SEMA3E: variants seen among roughly 807,000 people sequenced by gnomAD.
The protein encoded by SEMA3E is semaphorin 3E.
Under a neutral mutation model 93.6 loss-of-function variants are expected in SEMA3E, and 49 were observed. The observed-to-expected ratio is 0.52, with a 90% CI of 0.42 to 0.66. SEMA3E has a LOEUF of 0.66. Ranked by LOEUF, SEMA3E falls within the 30% of genes least tolerant of loss-of-function variation. The pLI is 0.00. For missense variants in SEMA3E, 906 were observed against 964.8 expected (o/e 0.94, Z 0.81); for synonymous variants, 363 against 330.7 (o/e 1.10, Z -1.06).
At chr7:83,529,193 G>A (rs1257864180) in intron 1 of SEMA3E, among the ~76,000 whole-genome samples, 1 of 152,224 alleles carries the variant, frequency 6.6e-6, no homozygotes, top group East Asian at 1.9e-4. Context: ...TGATAAAGGG[G>A]ATGAAAGGTC....
chr7:83,470,108 G>A (rs1267913404), intron 2 of SEMA3E, among the ~76,000 whole-genome samples: 3 of 152,060 alleles, frequency 2.0e-5, no homozygotes, highest in Non-Finnish European at 4.4e-5. Context: ...GTATCCAAAA[G>A]TTTTAATTGT....
chr7:83,492,320 C>G (rs1037693899), intron 1 of SEMA3E, among the ~76,000 whole-genome samples: 2 of 151,910 alleles, frequency 1.3e-5, no homozygotes, highest in Non-Finnish European at 2.9e-5. Flanking sequence ...TAGGGATGAC[C>G]TTGCCTGCTA....
At chr7:83,456,598 A>AT (rs1330516948) in intron 4 of SEMA3E, among the ~76,000 whole-genome samples, 1 of 7,668 alleles carries the variant, frequency 1.3e-4, no homozygotes, top group South Asian at 0.05. Flanking sequence ...ACTCTATTTT[A>AT]TTTATTTATT....
chr7:83,484,386 AAT>A (rs146778585), intron 2 of SEMA3E, among the ~76,000 whole-genome samples: 1,742 of 152,234 alleles, frequency 0.011, 35 homozygotes, highest in African/African-American at 0.038. Flanking sequence ...TCATTAATTG[AAT>A]ATGTTTTCAC....
At chr7:83,498,126 G>T (rs1415283351) in intron 1 of SEMA3E, among the ~76,000 whole-genome samples, 1 of 151,848 alleles carries the variant, frequency 6.6e-6, no homozygotes, top group East Asian at 1.9e-4. Flanking sequence ...TTATTTGATT[G>T]TAACAATACA....
At chr7:83,551,486 A>C (rs1032270373) in intron 1 of SEMA3E, among the ~76,000 whole-genome samples, 13 of 152,164 alleles carry the variant, frequency 8.5e-5, no homozygotes, top group Non-Finnish European at 1.5e-4. Flanking sequence ...GATAAATATA[A>C]AATTCAAGAT....
At chr7:83,586,753 C>G (rs956902690) in intron 1 of SEMA3E, among the ~76,000 whole-genome samples, 1 of 151,882 alleles carries the variant, frequency 6.6e-6, no homozygotes, top group Admixed American at 6.6e-5. Context: ...TCCTTGTGTA[C>G]AGTCTATCAT....
At chr7:83,488,152 A>C (rs960691946) in intron 2 of SEMA3E, among the ~76,000 whole-genome samples, 1 of 152,206 alleles carries the variant, frequency 6.6e-6, no homozygotes, top group East Asian at 1.9e-4. Context: ...GAAGTGTTTC[A>C]AAGTATGCAT....
At chr7:83,474,020 A>G (rs1012050737) in intron 2 of SEMA3E, among the ~76,000 whole-genome samples, 2 of 147,748 alleles carry the variant, frequency 1.4e-5, no homozygotes, top group African/African-American at 5.0e-5. Flanking sequence ...TGAACCTGGG[A>G]GATGAAGCTT....
chr7:83,565,713 T>C (rs1305980441), intron 1 of SEMA3E, among the ~76,000 whole-genome samples: 5 of 152,124 alleles, frequency 3.3e-5, no homozygotes. Flanking sequence ...TACAGCTTCC[T>C]TGACCAAAGG....
At chr7:83,569,406 T>C (rs762328890) in intron 1 of SEMA3E, among the ~76,000 whole-genome samples, 1 of 152,034 alleles carries the variant, frequency 6.6e-6, no homozygotes, top group East Asian at 1.9e-4. Context: ...AAATATTAAA[T>C]GGTCTAAAAG....
chr7:83,438,340 A>C (rs1789044712), intron 4 of SEMA3E, among the ~76,000 whole-genome samples: 1 of 152,122 alleles, frequency 6.6e-6, no homozygotes, highest in African/African-American at 2.4e-5. Context: ...CTTACCTGGA[A>C]TCTCTTTACA....
At chr7:83,634,200 T>A (rs1793837758) in intron 1 of SEMA3E, among the ~76,000 whole-genome samples, 1 of 152,198 alleles carries the variant, frequency 6.6e-6, no homozygotes, top group Non-Finnish European at 1.5e-5. Context: ...CATAACCACA[T>A]ACAATAAAAT....
intron 1 of SEMA3E, among the ~76,000 whole-genome samples, chr7:83,530,873 C>T (rs12154504): frequency 0.53 from 79,715 of 151,196 alleles, 23,281 homozygotes; most frequent in Middle Eastern, 0.69. Flanking sequence ...AGTGAAACTC[C>T]GTCGGGGGAA....
intron 1 of SEMA3E, among the ~76,000 whole-genome samples, chr7:83,601,375 A>G (rs1792993487): frequency 6.6e-6 from 1 of 152,098 alleles, no homozygotes; most frequent in African/African-American, 2.4e-5. Context: ...AAAAATCTAC[A>G]TTTTAAATCA....
chr7:83,605,352 TG>T (rs1000668947), intron 1 of SEMA3E, among the ~76,000 whole-genome samples: 2 of 152,130 alleles, frequency 1.3e-5, no homozygotes, highest in African/African-American at 4.8e-5. Context: ...TATCTCGTTG[TG>T]GTTTTTATTT....
chr7:83,432,995 C>T (rs1188590953), intron 4 of SEMA3E, among the ~76,000 whole-genome samples: 3 of 152,088 alleles, frequency 2.0e-5, no homozygotes, highest in Non-Finnish European at 4.4e-5. Context: ...CTTTTGAAAA[C>T]TTTTGCTATG....
At chr7:83,391,036 A>G (rs1788008934) in intron 14 of SEMA3E, among the ~76,000 whole-genome samples, 1 of 152,174 alleles carries the variant, frequency 6.6e-6, no homozygotes, top group South Asian at 2.1e-4. Context: ...ATGACAATAA[A>G]ATAATTAATG....
intron 1 of SEMA3E, among the ~76,000 whole-genome samples, chr7:83,623,633 C>T (rs1793610193): frequency 6.6e-6 from 1 of 151,680 alleles, no homozygotes; most frequent in Admixed American, 6.6e-5. Context: ...TGCTACTTCA[C>T]ATTTAACATG....
Sources: gnomAD v4.1 joint callset for allele counts (sites outside exome capture counted in the v4.1 genomes callset) on GRCh38, gnomAD v4.1.1 for gene constraint, MANE v1.5 for transcripts, NCBI Gene and HGNC (gene_info 2026-07-23, HGNC 2026-07-21) for gene names.